Variants in SFMBT2 observed in about 807,000 individuals in gnomAD.
SFMBT2 encodes the protein Scm like with four mbt domains 2, also known as scm-like with four MBT domains protein 2.
In SFMBT2, 38 loss-of-function variants were observed where a neutral mutation model predicts 110.1. That is an observed-to-expected ratio of 0.35 (90% CI 0.27 to 0.45). The LOEUF (loss-of-function observed/expected upper bound fraction) is 0.45, where lower values mean the gene tolerates loss of function less well. Among genes scored for constraint, SFMBT2 ranks in the 20% least tolerant of loss-of-function variants. SFMBT2 has a pLI of 1.00. For missense variants in SFMBT2, 1,011 were observed against 1,094.9 expected (o/e 0.92, Z 1.08); for synonymous variants, 425 against 425.4 (o/e 1.00, Z 0.01).
intron 4 of SFMBT2, among the ~76,000 whole-genome samples, chr10:7,342,836 C>A (rs1407378625): frequency 6.6e-6 from 1 of 152,134 alleles, no homozygotes. Flanking sequence ...AAACATAAAC[C>A]ACTTTGATTC....
intron 6 of SFMBT2, among the ~76,000 whole-genome samples, chr10:7,278,042 C>T (rs1841837496): frequency 2.6e-5 from 4 of 152,212 alleles, no homozygotes; most frequent in Non-Finnish European, 5.9e-5. Flanking sequence ...CGGTGCACTG[C>T]CCGAAGTCAT....
intron 10 of SFMBT2, among the ~76,000 whole-genome samples, chr10:7,224,888 G>GT (rs1839854289): frequency 6.6e-6 from 1 of 152,148 alleles, no homozygotes; most frequent in African/African-American, 2.4e-5. Flanking sequence ...AGAAATCAAG[G>GT]TAATTCACAT....
chr10:7,302,663 A>G (rs1842585283), intron 4 of SFMBT2, among the ~76,000 whole-genome samples: 1 of 152,242 alleles, frequency 6.6e-6, no homozygotes, highest in Admixed American at 6.5e-5. Context: ...TGCGAGGATC[A>G]TGATTCAACA....
intron 10 of SFMBT2, among the ~76,000 whole-genome samples, chr10:7,223,351 C>T (rs569436896): frequency 1.8e-4 from 27 of 152,160 alleles, no homozygotes; most frequent in African/African-American, 5.8e-4. Flanking sequence ...TGGTGTCTCA[C>T]GGTGGTGTTA....
chr10:7,406,451 T>C (rs532812382), intron 1 of SFMBT2, among the ~76,000 whole-genome samples: 1 of 150,974 alleles, frequency 6.6e-6, no homozygotes, highest in Non-Finnish European at 1.5e-5. Context: ...TGGGAGTCCT[T>C]TGGGGGCAGT....
chr10:7,256,312 C>T (rs552481263), intron 7 of SFMBT2, among the ~76,000 whole-genome samples: 35 of 152,282 alleles, frequency 2.3e-4, no homozygotes, highest in African/African-American at 7.9e-4. Flanking sequence ...CAAACAATAC[C>T]ACTACAACCT....
At chr10:7,174,957 G>A (rs1419431438) in intron 17 of SFMBT2, among the ~76,000 whole-genome samples, 2 of 152,216 alleles carry the variant, frequency 1.3e-5, no homozygotes, top group African/African-American at 4.8e-5. Flanking sequence ...GTGTGTGTGT[G>A]TGTTGTGTGT....
intron 4 of SFMBT2, among the ~76,000 whole-genome samples, chr10:7,314,461 C>G (rs1201801570): frequency 6.6e-6 from 1 of 152,206 alleles, no homozygotes; most frequent in Non-Finnish European, 1.5e-5. Flanking sequence ...GAAGAATGAA[C>G]AAGCACTACC....
At chr10:7,404,147 G>A (rs1163616834) in intron 1 of SFMBT2, among the ~76,000 whole-genome samples, 3 of 152,128 alleles carry the variant, frequency 2.0e-5, no homozygotes, top group African/African-American at 7.2e-5. Context: ...AGAGTATTTG[G>A]AGTAAACAGG....
intron 4 of SFMBT2, among the ~76,000 whole-genome samples, chr10:7,355,521 A>AT (rs1252455012): frequency 6.6e-6 from 1 of 152,216 alleles, no homozygotes. Flanking sequence ...TTTCATTTTC[A>AT]TTTTGTAAAA....
In SFMBT2 at chr10:7,394,727, T is replaced by C. The variant is rs909835527; in HGVS notation, c.-51-12778A>G. On this transcript the variant is annotated intron_variant, in intron 1 of 20. Coordinates refer to ENST00000397167, the MANE Select transcript of SFMBT2 (RefSeq NM_001387889.1). ...ACTGTCTAAAGCACCTGTCCATAAA[T>C]TGAGGTATATAGGTACTGCTTTCAT... is the stretch of plus-strand genomic sequence containing the variant. Among the ~76,000 whole-genome samples the C allele has an allele frequency of 6.6e-5, 10 of 152,098 alleles. No individual in the cohort carries two copies. In the East Asian group the frequency reaches 1.4e-3, roughly 21 times the overall value.
Position 7,317,125 on chromosome 10 carries a change from C to A in SFMBT2, c.437-31171G>T, listed in dbSNP as rs560521762. The stretch of plus-strand genomic sequence containing the variant: ...CTGCTCCTTCAGGAGAGGGCTTTGT[C>A]CTCGTGCCCCCTCCCCCAGGGTCAT... On this transcript the variant is annotated intron_variant, in intron 4 of 20. Transcript: ENST00000397167. Among the ~76,000 whole-genome samples, 165 of 152,196 alleles carry A rather than the reference C, an allele frequency of 1.1e-3. 1 individual carries two copies. Among genetic ancestry groups the A allele is most frequent in the Non-Finnish European group, 1.9e-3 (131 of 67,994 alleles).
At chr10:7,280,616 C>T (rs1215365280) in intron 6 of SFMBT2, among the ~76,000 whole-genome samples, 2 of 152,170 alleles carry the variant, frequency 1.3e-5, no homozygotes, top group Non-Finnish European at 2.9e-5. Flanking sequence ...CAAAGTACAA[C>T]CTTAAGACTC....
At chr10:7,187,514 T>G (rs1838454702) in intron 16 of SFMBT2, among the ~76,000 whole-genome samples, 1 of 152,228 alleles carries the variant, frequency 6.6e-6, no homozygotes, top group South Asian at 2.1e-4. Flanking sequence ...CTCTTCTTAT[T>G]TACATATATT....
chr10:7,200,340 A>C lies in SFMBT2; in HGVS notation c.1558+74T>G, dbSNP rs146193820. 4.0e-4 allele frequency: 478 copies of C among 1,189,312 alleles called. 2 individuals carry two copies. The African/African-American group carries it at 6.8e-3, about 17-fold the overall frequency. The allele number at this position is 1,189,312 out of a possible 1,614,324, so 73.7% of individuals were successfully genotyped here. ...CGTTGAGATGTATTCATATCGACCTAGAAACCTATACATGTCTCTGCTCCC... is the reference window on the plus strand; with the variant it reads ...CGTTGAGATGTATTCATATCGACCTCGAAACCTATACATGTCTCTGCTCCC... On this transcript the variant is annotated intron_variant, in intron 14 of 20. Transcript: ENST00000397167.
rs1842023501 is a variant in SFMBT2 at position 7,284,144 on chromosome 10, G to A, written c.532C>T (p.Arg178Ter). The change falls in exon 6 of 21, where the codon CGA (arginine) becomes TGA (stop). Residue 178 changes from arginine (R) to a stop codon, truncating the protein, a stop_gained. Coordinates refer to ENST00000397167, the MANE Select transcript of SFMBT2 (RefSeq NM_001387889.1). LOFTEE classifies it high-confidence loss of function. ...APANLLEGPL[R>*]GKGPIDLITV... is the part of the protein sequence containing the mutation. ...ATGAGGTCTATAGGGCCTTTCCCTC[G>A]CAGAGGCTGTTTAAACAGAAGCAAA... is the stretch of plus-strand genomic sequence containing the variant. 1.9e-6 allele frequency: 3 copies of A among 1,612,780 alleles called. No individual in the cohort carries two copies. Among genetic ancestry groups the A allele is most frequent in the Non-Finnish European group, 2.5e-6 (3 of 1,179,622 alleles).
intron 9 of SFMBT2, chr10:7,228,426 C>G: frequency 1.3e-6 from 1 of 769,550 alleles, no homozygotes; most frequent in Non-Finnish European, 1.6e-6. Flanking sequence ...TAAAAAGTAA[C>G]AGAAGGTAGA....
chr10:7,216,222 T>C (rs1309987083), intron 11 of SFMBT2, among the ~76,000 whole-genome samples: 2 of 152,116 alleles, frequency 1.3e-5, no homozygotes, highest in East Asian at 1.9e-4. Flanking sequence ...GTGACTGATA[T>C]GGTTTGGCTG....
chr10:7,215,831 A>G, intron 11 of SFMBT2: 1 of 648,614 alleles, frequency 1.5e-6, no homozygotes, highest in Non-Finnish European at 1.9e-6. Flanking sequence ...CGAACACAGT[A>G]GACAAACTCG....
Sources: allele counts gnomAD v4.1 joint callset (sites outside exome capture counted in the v4.1 genomes callset), GRCh38; gene constraint gnomAD v4.1.1; transcripts MANE v1.5; gene names NCBI Gene and HGNC (gene_info 2026-07-23, HGNC 2026-07-21).